The following CDKN3 variants were observed in gnomAD, a reference collection of about 807,000 sequenced individuals.
The protein encoded by CDKN3 is cyclin-dependent kinase inhibitor 3.
A neutral mutation model predicts 36.1 loss-of-function variants in CDKN3; 19 were observed. That is an observed-to-expected ratio of 0.53 (90% confidence interval 0.37 to 0.77). CDKN3 has a LOEUF of 0.77. CDKN3 is among the 30% of genes least tolerant of loss of function. The pLI is 0.00. For missense variants in CDKN3, 188 were observed against 248.6 expected, an observed-to-expected ratio of 0.76 and a Z score of 1.64; for synonymous variants, 71 against 85.3, an observed-to-expected ratio of 0.83 and a Z score of 0.92.
intron 3 of CDKN3, among the ~76,000 whole-genome samples, chr14:54,406,626 G>A (rs538531832): frequency 6.6e-6 from 1 of 151,604 alleles, no homozygotes; most frequent in East Asian, 2.0e-4. Flanking sequence ...CTGCTTGATC[G>A]ATTCAGCTAT....
intron 4 of CDKN3, among the ~76,000 whole-genome samples, chr14:54,410,585 T>G (rs187865142): frequency 6.6e-6 from 1 of 152,316 alleles, no homozygotes; most frequent in African/African-American, 2.4e-5. Context: ...CAGGTAATGT[T>G]TTATTTACTG....
intron 3 of CDKN3, among the ~76,000 whole-genome samples, chr14:54,407,015 A>G (rs1220617700): frequency 2.0e-5 from 3 of 152,088 alleles, no homozygotes; most frequent in Non-Finnish European, 2.9e-5. Context: ...TGACTTTTGA[A>G]TGGGGGTTTC....
intron 3 of CDKN3, among the ~76,000 whole-genome samples, chr14:54,405,794 TTGCCAGTCTG>T (rs1380332863): frequency 6.6e-4 from 101 of 152,340 alleles, no homozygotes; most frequent in Admixed American, 1.6e-3. Context: ...TCTATCCAAT[TTGCCAGTCTG>T]TGTCTTTTAA....
chr14:54,418,274 G>A lies in CDKN3; in HGVS notation c.552+323G>A, dbSNP rs890491243. On this transcript the variant is annotated intron_variant, in intron 7 of 7. Coordinates refer to ENST00000335183, the MANE Select transcript of CDKN3 (RefSeq NM_005192.4). ...TTTGGGAATGGATCCTCTCACCTAG[G>A]ACAATGAGATGGTTATTGTTAATAC... The A allele has an allele frequency of 4.3e-6, 3 of 702,180 alleles. No individual in the cohort carries two copies. The Admixed American group carries it at 6.0e-5, about 14-fold the overall frequency. 43.5% of individuals were successfully genotyped at this position (702,180 alleles called of 1,614,324 possible). A position where few individuals can be genotyped will look rare whatever the true frequency, so the allele number is the denominator to read the frequency against.
chr14:54,405,722 C>T (rs2030131693), intron 3 of CDKN3, among the ~76,000 whole-genome samples: 1 of 152,108 alleles, frequency 6.6e-6, no homozygotes. Flanking sequence ...TTATTTTGAG[C>T]CTATGTGTGT....
intron 3 of CDKN3, among the ~76,000 whole-genome samples, chr14:54,405,554 T>A (rs1259729639): frequency 6.6e-6 from 1 of 152,248 alleles, no homozygotes; most frequent in Non-Finnish European, 1.5e-5. Context: ...TTTAGGATAG[T>A]TAGCTCTTCT....
At chr14:54,409,353 G>A (rs1466728396) in intron 4 of CDKN3, among the ~76,000 whole-genome samples, 1 of 152,154 alleles carries the variant, frequency 6.6e-6, no homozygotes, top group Non-Finnish European at 1.5e-5. Flanking sequence ...ACTAACAAAT[G>A]TGGATTTTCA....
intron 7 of CDKN3, chr14:54,418,393 G>A: frequency 1.5e-6 from 1 of 645,818 alleles, no homozygotes; most frequent in Non-Finnish European, 2.8e-6. Context: ...ACAGATGAAT[G>A]ACTATAATAC....
chr14:54,417,796 C>CAG, intron 6 of CDKN3, 52 bp from the exon 7 acceptor site: 2 of 975,066 alleles, frequency 2.1e-6, no homozygotes, highest in Non-Finnish European at 1.6e-6. Context: ...AAATGCTGTA[C>CAG]CCTGTCACTA....
intron 6 of CDKN3, among the ~76,000 whole-genome samples, chr14:54,417,540 T>C (rs2030591028): frequency 6.6e-6 from 1 of 152,218 alleles, no homozygotes; most frequent in African/African-American, 2.4e-5. Context: ...CTTTCTGAGG[T>C]GATGAAGTGC....
chr14:54,408,747 T>G lies in CDKN3; in HGVS notation c.151T>G (p.Cys51Gly), dbSNP rs2030250514. The change falls in exon 4 of 8, where the codon TGT becomes GGT. Residue 51 changes from cysteine to glycine, a missense_variant and splice_region_variant. Transcript: ENST00000335183. ...QFLGLCALPGCKFKDVRRNVQ... is the reference protein window; with the variant it reads ...QFLGLCALPGGKFKDVRRNVQ... ...ACTTGCTTTATTATTACTTATAGGT[T>G]GTAAATTTAAAGATGTTAGAAGAAA... 6.3e-7 allele frequency: 1 copy of G among 1,576,288 alleles called. No individual in the cohort carries two copies. Among genetic ancestry groups the G allele is most frequent in the African/African-American group, 1.4e-5 (1 of 72,798 alleles).
At position 54,418,317 on chromosome 14, in the gene CDKN3, G is replaced by A. The variant is rs1380514881; in HGVS notation, c.552+366G>A. The A allele has an allele frequency of 7.2e-6, 5 of 693,278 alleles. No homozygotes were observed. The Admixed American group carries it at 1.1e-4, about 15-fold the overall frequency. 42.9% of individuals were successfully genotyped at this position (693,278 alleles called of 1,614,324 possible). On this transcript the variant is annotated intron_variant, in intron 7 of 7. Coordinates refer to ENST00000335183, the MANE Select transcript of CDKN3 (RefSeq NM_005192.4). ...GTTAATACAAACTTGGTACGTTCTTGGGTAGATTCTTGGCCAAAAAAAATC... is the reference window on the plus strand; with the variant it reads ...GTTAATACAAACTTGGTACGTTCTTAGGTAGATTCTTGGCCAAAAAAAATC...
At chr14:54,397,137 G>T in intron 1 of CDKN3, 60 bp downstream of exon 1, 1 of 1,427,088 alleles carries the variant, frequency 7.0e-7, no homozygotes. Context: ...GCGGTCCCGG[G>T]GACCCGATCC....
Position 54,414,599 on chromosome 14 carries a change from G to T in CDKN3, c.417-1300G>T, listed in dbSNP as rs146728134. 3.7e-3 allele frequency among the ~76,000 whole-genome samples: 564 copies of T among 150,668 alleles called. 3 individuals carry two copies. Among genetic ancestry groups the T allele is most frequent in the African/African-American group, 0.012 (495 of 40,900 alleles). On this transcript the variant is annotated intron_variant, in intron 5 of 7. Transcript: ENST00000335183. Reference sequence around the variant, plus strand: ...TCTTCTCTGTCACCCAGGCTGGAGTGCAGTGGCACTGTCATAGCTCACTGT... The same window carrying T: ...TCTTCTCTGTCACCCAGGCTGGAGTTCAGTGGCACTGTCATAGCTCACTGT...
At chr14:54,404,235 G>A (rs932684104) in intron 3 of CDKN3, among the ~76,000 whole-genome samples, 5 of 152,036 alleles carry the variant, frequency 3.3e-5, no homozygotes, top group East Asian at 1.9e-4. Context: ...GTCTATTCAC[G>A]GATTCGACTT....
At chr14:54,407,872 G>T (rs1035435270) in intron 3 of CDKN3, among the ~76,000 whole-genome samples, 4 of 152,170 alleles carry the variant, frequency 2.6e-5, no homozygotes, top group Non-Finnish European at 5.9e-5. Flanking sequence ...TGTCTTGCTG[G>T]CATTCCAAGT....
At chr14:54,416,108 G>C (rs1355584282) in intron 6 of CDKN3, among the ~76,000 whole-genome samples, 178 bp downstream of exon 6, 4 of 152,118 alleles carry the variant, frequency 2.6e-5, no homozygotes, top group Non-Finnish European at 5.9e-5. Context: ...GGGAGTGGGA[G>C]GTATTTTCAG....
Position 54,411,674 on chromosome 14 carries a change from C to T in CDKN3, c.384C>T (p.Thr128=). The T allele has an allele frequency of 6.2e-7, 1 of 1,613,390 alleles. No individual in the cohort carries two copies. The highest frequency in any genetic ancestry group is 1.1e-5 in the South Asian group (1 of 91,074). Residue 128 remains threonine (T), a synonymous_variant, in exon 5 of 8, where the codon ACC becomes ACT. Coordinates refer to ENST00000335183, the MANE Select transcript of CDKN3 (RefSeq NM_005192.4). Reference sequence around the variant, plus strand: ...GTGAAATAATGGAAGAGCTTACAACCTGCCTTAAAAATTACCGAAAAACCT... The same window carrying T: ...GTGAAATAATGGAAGAGCTTACAACTTGCCTTAAAAATTACCGAAAAACCT... ...SCCEIMEELT[T]CLKNYRKTLI... is the part of the protein sequence containing the mutation.
rs374635618 is a variant in CDKN3 at position 54,401,517 on chromosome 14, T to C, written c.93-7T>C. 1.6e-5 allele frequency: 25 copies of C among 1,606,372 alleles called. No homozygotes were observed. Among genetic ancestry groups the C allele is most frequent in the South Asian group, 2.2e-5 (2 of 89,574 alleles). ...AACTAAACATGAAAAATTTTTCTTC[T>C]TTTCAGGCTATCTTTGTCACGAGTG... On this transcript the variant is annotated splice_region_variant and splice_polypyrimidine_tract_variant and intron_variant, in intron 2 of 7. Coordinates refer to ENST00000335183, the MANE Select transcript of CDKN3 (RefSeq NM_005192.4).
Sources: allele counts gnomAD v4.1 joint callset (sites outside exome capture counted in the v4.1 genomes callset), GRCh38; gene constraint gnomAD v4.1.1; transcripts MANE v1.5; gene names NCBI Gene and HGNC (gene_info 2026-07-23, HGNC 2026-07-21).